The following GHR variants were observed in gnomAD, a reference collection of about 807,000 sequenced individuals.
The protein encoded by GHR is growth hormone receptor.
A neutral mutation model predicts 67.1 loss-of-function variants in GHR; 35 were observed. The ratio of observed to expected loss-of-function variants is 0.52; its 90% CI spans 0.40 to 0.69. The LOEUF is 0.69. Ranked by LOEUF, GHR falls within the 30% of genes least tolerant of loss-of-function variation. The probability of loss-of-function intolerance (pLI) is 0.00; values close to 1 mark genes in which losing one functional copy is unlikely to be tolerated. For missense variants in GHR, 792 were observed against 764.6 expected (o/e 1.04, Z -0.42); for synonymous variants, 272 against 269.1 (o/e 1.01, Z -0.10).
intron 1 of GHR, among the ~76,000 whole-genome samples, chr5:42,531,102 T>C (rs1747946064): frequency 6.6e-6 from 1 of 152,116 alleles, no homozygotes; most frequent in South Asian, 2.1e-4. Flanking sequence ...ACCCCATCTC[T>C]ACTAAAAATA....
intron 7 of GHR, among the ~76,000 whole-genome samples, chr5:42,713,127 C>A (rs1017025774): frequency 2.6e-5 from 4 of 151,988 alleles, no homozygotes; most frequent in Non-Finnish European, 5.9e-5. Context: ...ACTCCCTGGA[C>A]ACATAGTATG....
intron 1 of GHR, among the ~76,000 whole-genome samples, chr5:42,507,393 A>G (rs1746824614): frequency 2.0e-5 from 3 of 152,228 alleles, no homozygotes; most frequent in Admixed American, 2.0e-4. Flanking sequence ...CATGAATGTT[A>G]GTATATTCAC....
chr5:42,718,410 T>G, intron 9 of GHR, 43 bp from the exon 10 acceptor site: 1 of 1,388,394 alleles, frequency 7.2e-7, no homozygotes, highest in Non-Finnish European at 1.0e-6. Flanking sequence ...TTAATTATTA[T>G]GAGTTTCTTT....
At chr5:42,688,618 G>A (rs1757271476) in intron 3 of GHR, among the ~76,000 whole-genome samples, 1 of 152,014 alleles carries the variant, frequency 6.6e-6, no homozygotes, top group Non-Finnish European at 1.5e-5. Flanking sequence ...CTAATCTCTA[G>A]CTCTGGTTTC....
intron 2 of GHR, among the ~76,000 whole-genome samples, chr5:42,600,421 C>G (rs2112630565): frequency 6.6e-6 from 1 of 152,302 alleles, no homozygotes; most frequent in South Asian, 2.1e-4. Flanking sequence ...ATATTTGTTT[C>G]CCATGGGACC....
At chr5:42,567,966 T>C (rs926903906) in intron 2 of GHR, among the ~76,000 whole-genome samples, 2 of 152,186 alleles carry the variant, frequency 1.3e-5, no homozygotes, top group African/African-American at 2.4e-5. Flanking sequence ...TTTATTTTTA[T>C]TGTGTCTCCT....
At chr5:42,586,592 A>G (rs1310445477) in intron 2 of GHR, among the ~76,000 whole-genome samples, 1 of 152,212 alleles carries the variant, frequency 6.6e-6, no homozygotes, top group Non-Finnish European at 1.5e-5. Flanking sequence ...TATTTAATTA[A>G]TTGTTGCTCT....
At chr5:42,442,713 C>A (rs1329808475) in intron 1 of GHR, among the ~76,000 whole-genome samples, 1 of 152,074 alleles carries the variant, frequency 6.6e-6, no homozygotes, top group Non-Finnish European at 1.5e-5. Flanking sequence ...CAGTGCTTTC[C>A]TTAAGGGAGA....
intron 1 of GHR, among the ~76,000 whole-genome samples, chr5:42,453,810 A>C (rs1744148329): frequency 6.6e-6 from 1 of 152,076 alleles, no homozygotes; most frequent in South Asian, 2.1e-4. Flanking sequence ...TGCCAGGGGG[A>C]ACAAGGACTC....
At position 42,423,926 on chromosome 5, in the gene GHR, G is replaced by C. The variant is rs1742724805; in HGVS notation, c.-41G>C. On this transcript the variant is annotated 5_prime_UTR_variant, in exon 1 of 10. Coordinates refer to ENST00000230882, the MANE Select transcript of GHR (RefSeq NM_000163.5). ...TTGGCCCCAGCGCAGACGCGAACCC[G>C]CGCTCTCTGATCAGAGGCGAAGCTC... is the stretch of plus-strand genomic sequence containing the variant. The C allele has an allele frequency of 6.5e-6, 1 of 153,780 alleles. No homozygotes were observed. The highest frequency in any genetic ancestry group is 1.5e-5 in the Non-Finnish European group (1 of 68,328). The allele number at this position is 153,780 out of a possible 1,614,324, so 9.5% of individuals were successfully genotyped here.
intron 1 of GHR, among the ~76,000 whole-genome samples, chr5:42,528,505 A>C (rs1375968487): frequency 6.6e-6 from 1 of 152,226 alleles, no homozygotes; most frequent in African/African-American, 2.4e-5. Flanking sequence ...TGAACAGATG[A>C]GGAATCACTT....
At chr5:42,497,832 G>C (rs145172481) in intron 1 of GHR, among the ~76,000 whole-genome samples, 22 of 152,262 alleles carry the variant, frequency 1.4e-4, no homozygotes, top group Non-Finnish European at 3.1e-4. Flanking sequence ...AGAGTCACCT[G>C]TTTACAGGTG....
chr5:42,524,701 C>T (rs1207760516), intron 1 of GHR, among the ~76,000 whole-genome samples: 1 of 152,186 alleles, frequency 6.6e-6, no homozygotes, highest in African/African-American at 2.4e-5. Flanking sequence ...ATCACAGACC[C>T]AGAGGCCCAG....
chr5:42,672,043 T>C (rs952335801), intron 3 of GHR, among the ~76,000 whole-genome samples: 1 of 149,390 alleles, frequency 6.7e-6, no homozygotes, highest in African/African-American at 2.5e-5. Context: ...AACAACATAA[T>C]AATAAATGGG....
At chr5:42,475,989 C>G (rs906230765) in intron 1 of GHR, among the ~76,000 whole-genome samples, 1 of 151,314 alleles carries the variant, frequency 6.6e-6, no homozygotes, top group African/African-American at 2.4e-5. Context: ...ACTGCAAGCT[C>G]CGCCTCCCAG....
At chr5:42,704,414 A>G (rs1222333374) in intron 6 of GHR, among the ~76,000 whole-genome samples, 1 of 152,088 alleles carries the variant, frequency 6.6e-6, no homozygotes, top group African/African-American at 2.4e-5. Context: ...CTACTTGATC[A>G]TGGAGAATGT....
At chr5:42,574,053 T>G (rs1373685573) in intron 2 of GHR, among the ~76,000 whole-genome samples, 1 of 152,194 alleles carries the variant, frequency 6.6e-6, no homozygotes, top group Non-Finnish European at 1.5e-5. Flanking sequence ...GAGGACCATT[T>G]TGTGTTTGGC....
In GHR at chr5:42,468,161, C is replaced by T; in HGVS notation, c.-12+44206C>T. On this transcript the variant is annotated intron_variant, in intron 1 of 9. Transcript: ENST00000230882. The stretch of plus-strand genomic sequence containing the variant: ...TCTTCCTCTTCTGATCCATCAAGGC[C>T]TGTCTGACGAAACTCCCCTGGGGCC... 5 of 1,324,156 alleles carry T rather than the reference C, an allele frequency of 3.8e-6. No homozygotes were observed. In the South Asian group the frequency reaches 5.9e-5, roughly 16 times the overall value. The allele number at this position is 1,324,156 out of a possible 1,614,324, so 82.0% of individuals were successfully genotyped here.
At chr5:42,521,625 T>G (rs1481971909) in intron 1 of GHR, among the ~76,000 whole-genome samples, 1 of 152,224 alleles carries the variant, frequency 6.6e-6, no homozygotes, top group African/African-American at 2.4e-5. Context: ...GCCCATCTAC[T>G]TAAAAAGCAG....
Sources: gnomAD v4.1 joint callset for allele counts (sites outside exome capture counted in the v4.1 genomes callset) on GRCh38, gnomAD v4.1.1 for gene constraint, MANE v1.5 for transcripts, NCBI Gene and HGNC (gene_info 2026-07-23, HGNC 2026-07-21) for gene names.